The following ACAP3 variants were observed in gnomAD, a reference collection of about 807,000 sequenced individuals.
ACAP3 encodes the protein ArfGAP with coiled-coil, ankyrin repeat and PH domains 3.
Under a neutral mutation model 104.1 loss-of-function variants are expected in ACAP3, and 56 were observed. That is an observed-to-expected ratio of 0.54 (90% CI 0.43 to 0.67). The LOEUF (loss-of-function observed/expected upper bound fraction) is 0.67. Ranked by LOEUF, ACAP3 falls within the 30% of genes least tolerant of loss-of-function variation. The pLI is 0.00. For missense variants in ACAP3, 1,208 were observed against 1,174.9 expected (o/e 1.03, Z -0.41); for synonymous variants, 628 against 496.2 (o/e 1.27, Z -3.53).
At position 1,296,006 on chromosome 1, in the gene ACAP3, C is replaced by CCA; in HGVS notation, c.1502+7_1502+8dup. The CCA allele has an allele frequency of 6.2e-7, 1 of 1,612,794 alleles. No homozygotes were observed. ...CTCCCTGACTGATCCAGACTGTACC[C>CCA]CACCTCACCGGGAGCTGCTGGCTGT... On this transcript the variant is annotated intron_variant, in intron 17 of 23. Transcript: ENST00000354700.
At position 1,293,714 on chromosome 1, in the gene ACAP3, G is replaced by C. The variant is rs762803054; in HGVS notation, c.2361-6C>G. ...CCATGCGCGCCAGACGGAGCCTACG[G>C]GGAGGCACAGCGTGAGACGCCCCTG... On this transcript the variant is annotated splice_region_variant and splice_polypyrimidine_tract_variant and intron_variant, in intron 23 of 23. Coordinates refer to ENST00000354700, the MANE Select transcript of ACAP3 (RefSeq NM_030649.3). 4 of 1,044,160 alleles carry C rather than the reference G, an allele frequency of 3.8e-6. No individual in the cohort carries two copies. The highest frequency in any genetic ancestry group is 4.6e-6 in the Non-Finnish European group (4 of 879,052). 64.7% of individuals were successfully genotyped at this position (1,044,160 alleles called of 1,614,324 possible).
chr1:1,303,447 T>C lies in ACAP3; in HGVS notation c.106-166A>G. On this transcript the variant is annotated intron_variant, in intron 2 of 23. Transcript: ENST00000354700. The surrounding 1 kb of genome is among the most constrained non-coding windows in gnomAD (Gnocchi z 4.0). The stretch of plus-strand genomic sequence containing the variant: ...CAGCTTCCTCACGCCTGGGCCTGCC[T>C]GGGGCTTGGAGGCCCGTCTGGGAGG... The C allele has an allele frequency of 2.8e-6, 1 of 357,574 alleles. No individual in the cohort carries two copies. Among genetic ancestry groups the C allele is most frequent in the Non-Finnish European group, 5.1e-6 (1 of 194,844 alleles). 22.2% of individuals were successfully genotyped at this position (357,574 alleles called of 1,614,324 possible).
chr1:1,303,590 C>T lies in ACAP3; in HGVS notation c.106-309G>A, dbSNP rs1641546133. 2 of 497,470 alleles carry T rather than the reference C, an allele frequency of 4.0e-6. No homozygotes were observed. Among genetic ancestry groups the T allele is most frequent in the Admixed American group, 7.2e-5 (2 of 27,608 alleles). The allele number at this position is 497,470 out of a possible 1,614,324, so 30.8% of individuals were successfully genotyped here. A position where few individuals can be genotyped will look rare whatever the true frequency, so the allele number is the denominator to read the frequency against. On this transcript the variant is annotated intron_variant, in intron 2 of 23. Coordinates refer to ENST00000354700, the MANE Select transcript of ACAP3 (RefSeq NM_030649.3). The surrounding 1 kb of genome is among the most constrained non-coding windows in gnomAD (Gnocchi z 4.0). ...GGCTCATGGATAAGGCTGCCCACTC[C>T]CAGCTCCACGGCCTGTTGCCCCCTC...
rs1433190280 is a variant in ACAP3 at position 1,294,717 on chromosome 1, CCCT to C, written c.1910_1912del (p.Glu638del). ...TCGGGCGAGGGCAAGACGCCACCCACCCTCCTCAGTGACGCTGTCCACCACAGA... is the reference window on the plus strand; with the variant it reads ...TCGGGCGAGGGCAAGACGCCACCCACCCTCAGTGACGCTGTCCACCACAGA... On this transcript the variant is annotated inframe_deletion and splice_region_variant, in exon 20 of 24. Transcript: ENST00000354700. The C allele has an allele frequency of 2.3e-5, 35 of 1,549,442 alleles. No homozygotes were observed. Among genetic ancestry groups the C allele is most frequent in the Non-Finnish European group, 2.9e-5 (33 of 1,146,562 alleles).
intron 1 of ACAP3, chr1:1,307,453 TG>T (rs1173082087): frequency 1.5e-6 from 2 of 1,295,002 alleles, no homozygotes; most frequent in Non-Finnish European, 2.0e-6. Flanking sequence ...TGGCCAGAGC[TG>T]GACTGCAGGG....
chr1:1,302,099 G>A, intron 4 of ACAP3, 53 bp from the exon 5 acceptor site: 1 of 1,399,376 alleles, frequency 7.1e-7, no homozygotes, highest in East Asian at 2.6e-5. Flanking sequence ...AAGAGCCCCA[G>A]ATGGAAGGCC....
Position 1,299,975 on chromosome 1 carries a change from C to T in ACAP3, c.661G>A (p.Glu221Lys), listed in dbSNP as rs12409951. Reference sequence around the variant, plus strand: ...CCCCACCCCTCCCAAAGGCTCACCTCGGCTGCCAGCTTCTTCATGTAGGGG... The same window carrying T: ...CCCCACCCCTCCCAAAGGCTCACCTTGGCTGCCAGCTTCTTCATGTAGGGG... ...LDPYMKKLAA[E>K]LDQLVIDSAV... Residue 221 changes from glutamate (E) to lysine (K), a missense_variant and splice_region_variant, in exon 8 of 24, where the codon GAG becomes AAG. Transcript: ENST00000354700. 48 of 1,608,748 alleles carry T rather than the reference C, an allele frequency of 3.0e-5. No homozygotes were observed. Among genetic ancestry groups the T allele is most frequent in the African/African-American group, 2.0e-4 (15 of 74,852 alleles).
chr1:1,304,054 C>T (rs1056546410), intron 2 of ACAP3, 32 bp downstream of exon 2: 85 of 1,549,970 alleles, frequency 5.5e-5, no homozygotes, highest in Non-Finnish European at 6.9e-5. Flanking sequence ...CAAGCTTGGC[C>T]GGGCACAGGG....
chr1:1,303,405 G>A lies in ACAP3; in HGVS notation c.106-124C>T. 1 of 1,149,528 alleles carries A rather than the reference G, an allele frequency of 8.7e-7. No homozygotes were observed. Among genetic ancestry groups the A allele is most frequent in the South Asian group, 1.5e-5 (1 of 68,144 alleles). 71.2% of individuals were successfully genotyped at this position (1,149,528 alleles called of 1,614,324 possible). ...TTCCACTCAGGGCGTTGGCACTCAG[G>A]ACTCAGTGCCCCGGTGCAGCTTCCT... On this transcript the variant is annotated intron_variant, in intron 2 of 23. Coordinates refer to ENST00000354700, the MANE Select transcript of ACAP3 (RefSeq NM_030649.3). This position sits in a 1 kb window ranked among gnomAD's most constrained non-coding sequence, Gnocchi z 4.0.
intron 10 of ACAP3, 173 bp downstream of exon 10, chr1:1,299,172 G>C: frequency 1.2e-6 from 1 of 842,884 alleles, no homozygotes; most frequent in Non-Finnish European, 1.9e-6. Context: ...AACCCCACGG[G>C]GAATGTGGAG....
At position 1,294,615 on chromosome 1, in the gene ACAP3, C is replaced by T. The variant is rs367654678; in HGVS notation, c.1926G>A (p.Ser642=). 237 of 1,524,986 alleles carry T rather than the reference C, an allele frequency of 1.6e-4. No individual in the cohort carries two copies. Among genetic ancestry groups the T allele is most frequent in the Non-Finnish European group, 2.0e-4 (225 of 1,136,304 alleles). 94.5% of individuals were successfully genotyped at this position (1,524,986 alleles called of 1,614,324 possible). ...CGTCTGCCTCACCGCTGGACTCCTC[C>T]GACTCTGCACCCTCTGTGGGGAGGG... ...DSVTEEEGAE[S]EESSGEADGD... The change falls in exon 21 of 24, where the codon TCG becomes TCA. Residue 642 remains serine, a synonymous_variant. Transcript: ENST00000354700.
intron 1 of ACAP3, among the ~76,000 whole-genome samples, chr1:1,306,870 A>C (rs979871928): frequency 3.3e-5 from 5 of 152,244 alleles, no homozygotes; most frequent in Non-Finnish European, 5.9e-5. Context: ...GTGAACCCAC[A>C]CAGACAGGTG....
intron 22 of ACAP3, 68 bp downstream of exon 22, chr1:1,294,022 A>G: frequency 6.8e-7 from 1 of 1,476,174 alleles, no homozygotes; most frequent in Non-Finnish European, 9.0e-7. Flanking sequence ...GGCATGGCGG[A>G]CAGGGCGTAG....
At chr1:1,298,707 T>G in intron 10 of ACAP3, 28 bp from the exon 11 acceptor site, 2 of 1,554,058 alleles carry the variant, frequency 1.3e-6, no homozygotes, top group Non-Finnish European at 1.8e-6. Flanking sequence ...GCCCCCTCAG[T>G]GCCCACCCCA....
At position 1,296,100 on chromosome 1, in the gene ACAP3, C is replaced by T. The variant is rs746056774; in HGVS notation, c.1417G>A (p.Glu473Lys). Residue 473 changes from glutamate to lysine, a missense_variant, in exon 17 of 24, where the codon GAG becomes AAG. Coordinates refer to ENST00000354700, the MANE Select transcript of ACAP3 (RefSeq NM_030649.3). ...WEPELLKLMC[E>K]LGNSAVNQIY... ...TGATTCACAGCGCTGTTTCCAAGCTCACACATCAGCTAGCGGGAGACAGGG... is the reference window on the plus strand; with the variant it reads ...TGATTCACAGCGCTGTTTCCAAGCTTACACATCAGCTAGCGGGAGACAGGG... 9 of 1,612,774 alleles carry T rather than the reference C, an allele frequency of 5.6e-6. No individual in the cohort carries two copies. The highest frequency in any genetic ancestry group is 4.0e-5 in the African/African-American group (3 of 75,052).
chr1:1,293,950 G>T lies in ACAP3; in HGVS notation c.2250-17C>A. On this transcript the variant is annotated splice_polypyrimidine_tract_variant and intron_variant, in intron 22 of 23. Transcript: ENST00000354700. ...CAAACCTGGCTGAGGGGCGAGGTCG[G>T]AGGGGCGTGTCGGGGCGGGGCGGGG... 1 of 1,563,414 alleles carries T rather than the reference G, an allele frequency of 6.4e-7. No homozygotes were observed. The highest frequency in any genetic ancestry group is 8.6e-7 in the Non-Finnish European group (1 of 1,158,456).
chr1:1,298,493 T>TGG, intron 11 of ACAP3, 72 bp from the exon 12 acceptor site: 1 of 1,248,918 alleles, frequency 8.0e-7, no homozygotes. Flanking sequence ...TGCCCCCACC[T>TGG]GAGGACCCCA....
intron 12 of ACAP3, 111 bp from the exon 13 acceptor site, chr1:1,298,224 C>T (rs1173060622): frequency 7.0e-6 from 11 of 1,573,246 alleles, no homozygotes; most frequent in South Asian, 3.5e-5. Flanking sequence ...CCCCAAGCCC[C>T]GTGTCCAGCT....
chr1:1,306,760 C>T (rs1641724268), intron 1 of ACAP3, among the ~76,000 whole-genome samples: 1 of 152,238 alleles, frequency 6.6e-6, no homozygotes, highest in African/African-American at 2.4e-5. Flanking sequence ...CATGTGTGTT[C>T]AAGGAGACAC....
Sources: allele counts gnomAD v4.1 joint callset (sites outside exome capture counted in the v4.1 genomes callset), GRCh38; gene constraint gnomAD v4.1.1; non-coding constraint Gnocchi (gnomAD v3.1); transcripts MANE v1.5; gene names NCBI Gene and HGNC (gene_info 2026-07-23, HGNC 2026-07-21).